Variants in SUCO observed in about 807,000 individuals in gnomAD.
SUCO encodes the protein SUN domain containing ossification factor.
Under a neutral mutation model 148.1 loss-of-function variants are expected in SUCO, and 57 were observed. The ratio of observed to expected loss-of-function variants is 0.38; its 90% CI spans 0.31 to 0.48. The LOEUF (loss-of-function observed/expected upper bound fraction) is 0.48, where lower values mean the gene tolerates loss of function less well. Among genes scored for constraint, SUCO ranks in the 20% least tolerant of loss-of-function variants. SUCO has a pLI of 0.96. For synonymous variants in SUCO, 470 were observed against 502.7 expected, an observed-to-expected ratio of 0.93 and a Z score of 0.87; for missense variants, 1,331 against 1,468.2, an observed-to-expected ratio of 0.91 and a Z score of 1.53.
upstream of SUCO, chr1:172,532,433 G>A (rs919754617): frequency 4.5e-5 from 68 of 1,508,042 alleles, no homozygotes; most frequent in Admixed American, 2.0e-4. Flanking sequence ...TCTTGCTGAA[G>A]AGAAGAAAAA....
intron 22 of SUCO, among the ~76,000 whole-genome samples, chr1:172,604,804 A>G (rs1345704886): frequency 3.3e-5 from 5 of 151,908 alleles, no homozygotes; most frequent in African/African-American, 7.2e-5. Flanking sequence ...TTCACTCAAC[A>G]TAATGTCCTC....
At chr1:172,572,248 G>A (rs1655073980) in intron 9 of SUCO, among the ~76,000 whole-genome samples, 1 of 151,158 alleles carries the variant, frequency 6.6e-6, no homozygotes, top group Non-Finnish European at 1.5e-5. Flanking sequence ...GTGGTTTTGT[G>A]GAATAGAAAG....
intron 6 of SUCO, 69 bp from the exon 7 acceptor site, chr1:172,568,950 A>G: frequency 7.4e-7 from 1 of 1,354,236 alleles, no homozygotes; most frequent in South Asian, 1.5e-5. Context: ...AAACATTTGT[A>G]TTTATTTCTA....
chr1:172,549,721 G>T (rs181770609), intron 1 of SUCO, among the ~76,000 whole-genome samples: 3 of 151,896 alleles, frequency 2.0e-5, no homozygotes, highest in African/African-American at 7.2e-5. Flanking sequence ...TTTTTAGTAA[G>T]AATGAATTGA....
At chr1:172,544,932 C>A (rs1652750986) in intron 1 of SUCO, among the ~76,000 whole-genome samples, 1 of 152,022 alleles carries the variant, frequency 6.6e-6, no homozygotes, top group Non-Finnish European at 1.5e-5. Context: ...TTAGGGAGAT[C>A]TGTTAGGAGG....
chr1:172,572,628 C>T (rs1360706754), intron 9 of SUCO, among the ~76,000 whole-genome samples: 35 of 148,664 alleles, frequency 2.4e-4, no homozygotes, highest in African/African-American at 8.5e-4. Context: ...ATCTGCTGAC[C>T]CTCCCTCCAC....
In SUCO at chr1:172,541,278, T is replaced by C. The variant is rs570649123; in HGVS notation, c.62+7781T>C. ...ATTTTAAATCACCTCTAGATACTTA[T>C]ATGGAAGGATATGCATAGATGTTTT... is the stretch of plus-strand genomic sequence containing the variant. On this transcript the variant is annotated intron_variant, in intron 1 of 23. Transcript: ENST00000263688. 1.4e-4 allele frequency among the ~76,000 whole-genome samples: 22 copies of C among 152,328 alleles called. 1 individual carries two copies. Among genetic ancestry groups the C allele is most frequent in the African/African-American group, 4.3e-4 (18 of 41,572 alleles).
chr1:172,537,551 G>C (rs1652117776), intron 1 of SUCO, among the ~76,000 whole-genome samples: 1 of 152,108 alleles, frequency 6.6e-6, no homozygotes, highest in Admixed American at 6.5e-5. Context: ...TACCTAACTG[G>C]GGAAACATAA....
At chr1:172,567,495 A>G (rs1418179373) in intron 6 of SUCO, among the ~76,000 whole-genome samples, 3 of 152,132 alleles carry the variant, frequency 2.0e-5, no homozygotes, top group Non-Finnish European at 2.9e-5. Context: ...TATAAATAAT[A>G]TATATTATAT....
chr1:172,610,165 C>G lies in SUCO; in HGVS notation c.3671C>G (p.Ser1224Trp), dbSNP rs374535038. The change falls in exon 24 of 24, where the codon TCG (serine) becomes TGG (tryptophan). Residue 1224 changes from serine to tryptophan, a missense_variant. Physicochemically the swap from Ser to Trp is radical, Grantham distance 177. Around this residue, in one of 3 missense-constraint regions of SUCO, gnomAD observed 334 missense variants for 352.3 expected, o/e 0.95. Coordinates refer to ENST00000263688, the MANE Select transcript of SUCO (RefSeq NM_014283.5). Reference protein sequence around the residue: ...KLIKTLIQTKSGSLPSLHDII... With the variant: ...KLIKTLIQTKWGSLPSLHDII... ...ATAAAAACTCTAATACAGACTAAGT[C>G]GGGATCATTGCCGAGCCTGCATGAC... 7 of 1,613,484 alleles carry G rather than the reference C, an allele frequency of 4.3e-6. No homozygotes were observed. The highest frequency in any genetic ancestry group is 5.9e-6 in the Non-Finnish European group (7 of 1,179,794).
intron 15 of SUCO, among the ~76,000 whole-genome samples, chr1:172,582,307 A>G (rs1247504951): frequency 1.3e-5 from 2 of 152,314 alleles, no homozygotes; most frequent in Middle Eastern, 3.4e-3. Flanking sequence ...GATAGTACAC[A>G]TAGGAGGAAG....
chr1:172,603,663 A>G (rs1657675866), intron 22 of SUCO, among the ~76,000 whole-genome samples: 1 of 151,940 alleles, frequency 6.6e-6, no homozygotes, highest in Non-Finnish European at 1.5e-5. Flanking sequence ...TTATGTGTAA[A>G]ACGTAATGAA....
At chr1:172,547,006 G>T (rs775819338) in intron 1 of SUCO, among the ~76,000 whole-genome samples, 6 of 152,150 alleles carry the variant, frequency 3.9e-5, no homozygotes, top group Admixed American at 6.5e-5. Flanking sequence ...ACCCCCTCAA[G>T]ATATAGAATA....
chr1:172,569,929 A>G (rs942834813), intron 7 of SUCO, 118 bp from the exon 8 acceptor site: 3 of 989,066 alleles, frequency 3.0e-6, no homozygotes, highest in Non-Finnish European at 3.9e-6. Flanking sequence ...TCAAGTGTTA[A>G]AACCTATTCT....
At chr1:172,577,853 T>TA in intron 13 of SUCO, 34 bp downstream of exon 13, 1 of 1,538,424 alleles carries the variant, frequency 6.5e-7, no homozygotes, top group Non-Finnish European at 8.9e-7. Context: ...ATTGAGTTTT[T>TA]AAAAAAATTG....
chr1:172,591,904 A>G (rs1263377542), intron 19 of SUCO, among the ~76,000 whole-genome samples: 2 of 152,184 alleles, frequency 1.3e-5, no homozygotes, highest in African/African-American at 2.4e-5. Context: ...CAGCAATGTA[A>G]CAGTGTTCCT....
At chr1:172,563,874 G>A (rs948976132) in intron 6 of SUCO, among the ~76,000 whole-genome samples, 3 of 152,188 alleles carry the variant, frequency 2.0e-5, no homozygotes, top group African/African-American at 4.8e-5. Context: ...AAATGGTTGC[G>A]TGGGCCAGTC....
upstream of SUCO, chr1:172,533,084 G>A: frequency 7.0e-7 from 1 of 1,430,038 alleles, no homozygotes; most frequent in Non-Finnish European, 9.1e-7. Flanking sequence ...GCTGTTGAGA[G>A]GCGAGTACGC....
intron 7 of SUCO, 92 bp from the exon 8 acceptor site, chr1:172,569,955 T>C: frequency 8.6e-7 from 1 of 1,157,832 alleles, no homozygotes; most frequent in East Asian, 3.3e-5. Flanking sequence ...AGAAGACAGC[T>C]TATTGCTTTG....
Sources: allele counts gnomAD v4.1 joint callset (sites outside exome capture counted in the v4.1 genomes callset), GRCh38; gene constraint gnomAD v4.1.1; regional missense constraint gnomAD v4.1.1; transcripts MANE v1.5; gene names NCBI Gene and HGNC (gene_info 2026-07-23, HGNC 2026-07-21).